The following KCNQ5 variants were observed in gnomAD, a reference collection of about 807,000 sequenced individuals.
The protein encoded by KCNQ5 is potassium voltage-gated channel subfamily Q member 5, also known as potassium voltage-gated channel subfamily KQT member 5.
A neutral mutation model predicts 98.2 loss-of-function variants in KCNQ5; 30 were observed. The observed-to-expected ratio is 0.31, with a 90% CI of 0.23 to 0.41. The LOEUF is 0.41. Ranked by LOEUF, KCNQ5 falls within the 10% of genes least tolerant of loss-of-function variation. The pLI is 1.00. For missense variants in KCNQ5, 835 were observed against 1,182.5 expected (o/e 0.71, Z 4.31); for synonymous variants, 458 against 449.4 (o/e 1.02, Z -0.24).
At position 72,654,097 on chromosome 6, in the gene KCNQ5, G is replaced by T. The variant is rs557221664; in HGVS notation, c.398+31510G>T. ...ATAAGACAATAGGAACATAAAAATA[G>T]AAATGATCATCATTTTAGATAGGGG... On this transcript the variant is annotated intron_variant, in intron 1 of 13. Transcript: ENST00000370398. Among the ~76,000 whole-genome samples the T allele has an allele frequency of 5.9e-5, 9 of 152,024 alleles. No individual in the cohort carries two copies. In the South Asian group the frequency reaches 1.9e-3, roughly 32 times the overall value.
At position 72,622,639 on chromosome 6, in the gene KCNQ5, G is replaced by C. The variant is rs777274722; in HGVS notation, c.398+52G>C. On this transcript the variant is annotated intron_variant, in intron 1 of 13. Transcript: ENST00000370398. The surrounding 1 kb of genome is among the most constrained non-coding windows in gnomAD (Gnocchi z 6.0). ...CCGCTGCAGGGGACCACTGTCCCTG[G>C]CCCCCTGGGGCGTGCTCCGCGCTCG... The C allele has an allele frequency of 1.5e-5, 24 of 1,593,878 alleles. No homozygotes were observed. The highest frequency in any genetic ancestry group is 1.7e-4 in the Middle Eastern group (1 of 5,960).
intron 3 of KCNQ5, among the ~76,000 whole-genome samples, chr6:73,065,562 C>G (rs1227597626): frequency 2.0e-5 from 3 of 152,198 alleles, no homozygotes; most frequent in African/African-American, 7.2e-5. Flanking sequence ...AAATACACAT[C>G]TGATCCTGCA....
At position 73,195,515 on chromosome 6, in the gene KCNQ5, G is replaced by A. The variant is rs934537907; in HGVS notation, c.*101G>A. On this transcript the variant is annotated 3_prime_UTR_variant, in exon 14 of 14. Transcript: ENST00000370398. ...CTAAAAAGTTGAAATTGCAAGAATC[G>A]GGAAGAACATGAAAGGCAGTTTATA... The A allele has an allele frequency of 1.5e-5, 22 of 1,425,986 alleles. No homozygotes were observed. The highest frequency in any genetic ancestry group is 4.1e-5 in the South Asian group (3 of 73,684). The allele number at this position is 1,425,986 out of a possible 1,614,324, so 88.3% of individuals were successfully genotyped here.
chr6:73,154,184 T>C (rs1282391498), intron 10 of KCNQ5, among the ~76,000 whole-genome samples: 1 of 152,154 alleles, frequency 6.6e-6, no homozygotes, highest in African/African-American at 2.4e-5. Context: ...ATCAAAATTG[T>C]TATTATAGCA....
chr6:72,839,912 A>C (rs183770685), intron 1 of KCNQ5, among the ~76,000 whole-genome samples: 2 of 152,266 alleles, frequency 1.3e-5, no homozygotes, highest in African/African-American at 4.8e-5. Context: ...ATATCAGTGC[A>C]TGGGTGGTTC....
At chr6:73,157,921 T>C (rs867027332) in intron 10 of KCNQ5, 62 of 774,536 alleles carry the variant, frequency 8.0e-5, no homozygotes, top group South Asian at 7.1e-4. Flanking sequence ...TGCCCCGCTG[T>C]CAAAGATCAC....
intron 3 of KCNQ5, among the ~76,000 whole-genome samples, chr6:73,052,470 TGTTAA>T (rs1772289060): frequency 1.3e-5 from 2 of 151,948 alleles, no homozygotes; most frequent in African/African-American, 4.8e-5. Context: ...AAACAAAAAA[TGTTAA>T]CAGCAGCTAA....
At chr6:72,915,436 TA>T (rs922641909) in intron 1 of KCNQ5, among the ~76,000 whole-genome samples, 152 of 150,474 alleles carry the variant, frequency 1.0e-3, no homozygotes, top group African/African-American at 3.2e-3. Context: ...TTTGTTCTTT[TA>T]AAAAAAAAAT....
intron 5 of KCNQ5, among the ~76,000 whole-genome samples, chr6:73,092,478 C>T (rs2150406392): frequency 6.6e-6 from 1 of 152,086 alleles, no homozygotes; most frequent in East Asian, 1.9e-4. Context: ...GGAATGCTTT[C>T]AACTTTTCCC....
chr6:72,969,187 G>A (rs1484282381), intron 1 of KCNQ5, among the ~76,000 whole-genome samples: 7 of 152,290 alleles, frequency 4.6e-5, no homozygotes, highest in Admixed American at 1.3e-4. Context: ...AAATTTGAAA[G>A]TAATTGAACT....
rs1554206943 is a variant in KCNQ5, at chr6:73,088,023, C to CTCTT, written c.918+10137_918+10138insCTTT. Among the ~76,000 whole-genome samples the CTCTT allele has an allele frequency of 4.5e-5, 6 of 133,368 alleles. No homozygotes were observed. In the East Asian group the frequency reaches 6.4e-4, roughly 14 times the overall value. 87.5% of individuals were successfully genotyped at this position (133,368 alleles called of 152,430 possible). A position where few individuals can be genotyped will look rare whatever the true frequency, so the allele number is the denominator to read the frequency against. ...TTGTTTTCTTTTTCTCTCTCTCTCT[C>CTCTT]TTTTTTTTTTTTTTTCCAGATGGAG... On this transcript the variant is annotated intron_variant, in intron 5 of 13. Coordinates refer to ENST00000370398, the MANE Select transcript of KCNQ5 (RefSeq NM_019842.4).
At chr6:72,735,885 A>T (rs988194726) in intron 1 of KCNQ5, among the ~76,000 whole-genome samples, 1 of 152,156 alleles carries the variant, frequency 6.6e-6, no homozygotes, top group Non-Finnish European at 1.5e-5. Context: ...AATAAATTTG[A>T]AAAACTACTT....
At chr6:73,040,425 C>T (rs746773298) in intron 2 of KCNQ5, among the ~76,000 whole-genome samples, 1 of 152,112 alleles carries the variant, frequency 6.6e-6, no homozygotes, top group East Asian at 1.9e-4. Context: ...AGTATGTTTT[C>T]CATATTTGGA....
chr6:72,773,148 T>G (rs1185781168), intron 1 of KCNQ5, among the ~76,000 whole-genome samples: 1 of 152,174 alleles, frequency 6.6e-6, no homozygotes, highest in Non-Finnish European at 1.5e-5. Context: ...CCCAAAGGAT[T>G]ATAAATCATT....
chr6:73,026,355 G>T (rs540726795), intron 2 of KCNQ5, among the ~76,000 whole-genome samples: 2 of 152,214 alleles, frequency 1.3e-5, no homozygotes, highest in South Asian at 2.1e-4. Context: ...AGCCAGCCCG[G>T]TCTCCTTGTT....
chr6:72,642,777 T>C (rs912531706), intron 1 of KCNQ5, among the ~76,000 whole-genome samples: 11 of 152,100 alleles, frequency 7.2e-5, no homozygotes, highest in Admixed American at 6.6e-4. Context: ...CAAAGGAATA[T>C]AAATGGTTCT....
chr6:73,153,313 T>C (rs189666735), intron 10 of KCNQ5, among the ~76,000 whole-genome samples: 35 of 152,308 alleles, frequency 2.3e-4, no homozygotes, highest in African/African-American at 8.2e-4. Flanking sequence ...TCTCTTCTTT[T>C]ATGGGTTTAT....
intron 8 of KCNQ5, among the ~76,000 whole-genome samples, chr6:73,122,767 A>G (rs1460039480): frequency 6.6e-6 from 1 of 152,214 alleles, no homozygotes; most frequent in African/African-American, 2.4e-5. Context: ...AAAGATAATC[A>G]ATGCACGAGA....
intron 1 of KCNQ5, among the ~76,000 whole-genome samples, chr6:72,802,140 G>A (rs559133437): frequency 3.5e-4 from 53 of 151,986 alleles, no homozygotes; most frequent in East Asian, 2.7e-3. Context: ...TCTTTGTGGC[G>A]TTCTCTGTAT....
Sources: allele counts gnomAD v4.1 joint callset (sites outside exome capture counted in the v4.1 genomes callset), GRCh38; gene constraint gnomAD v4.1.1; non-coding constraint Gnocchi (gnomAD v3.1); transcripts MANE v1.5; gene names NCBI Gene and HGNC (gene_info 2026-07-23, HGNC 2026-07-21).